The following ASCC3 variants were observed in gnomAD, a reference collection of about 807,000 sequenced individuals.
ASCC3 encodes the protein activating signal cointegrator 1 complex subunit 3, also known as ASC-1 complex subunit P200.
In ASCC3, 158 loss-of-function variants were observed where a neutral mutation model predicts 256.3. That is an observed-to-expected ratio of 0.62 (90% confidence interval 0.54 to 0.70). The LOEUF is 0.70. ASCC3 is among the 30% of genes least tolerant of loss of function. ASCC3 has a pLI of 0.00. For missense variants in ASCC3, 2,259 were observed against 2,626.0 expected, an observed-to-expected ratio of 0.86 and a Z score of 3.05; for synonymous variants, 948 against 883.4, an observed-to-expected ratio of 1.07 and a Z score of -1.30.
In ASCC3 at chr6:100,746,233, C is replaced by T. The variant is rs138188581; in HGVS notation, c.1737+20332G>A. On this transcript the variant is annotated intron_variant, in intron 10 of 41. Coordinates refer to ENST00000369162, the MANE Select transcript of ASCC3 (RefSeq NM_006828.4). Reference sequence around the variant, plus strand: ...AGTGGCTGAGGTAGGGTTTCAATCCCGGTGATCTACTCCATAGACTATTTT... The same window carrying T: ...AGTGGCTGAGGTAGGGTTTCAATCCTGGTGATCTACTCCATAGACTATTTT... 4.0e-3 allele frequency among the ~76,000 whole-genome samples: 601 copies of T among 150,278 alleles called. 6 individuals are homozygous for T. Among genetic ancestry groups the T allele is most frequent in the Middle Eastern group, 0.017 (5 of 292 alleles).
intron 13 of ASCC3, among the ~76,000 whole-genome samples, chr6:100,683,274 G>C (rs1777394814): frequency 6.6e-6 from 1 of 152,184 alleles, no homozygotes; most frequent in Middle Eastern, 3.4e-3. Context: ...TGTAAATCCT[G>C]TTGAATTAGC....
In ASCC3 at chr6:100,744,670, CTATT is replaced by C. The variant is rs149288321; in HGVS notation, c.1738-18971_1738-18968del. On this transcript the variant is annotated intron_variant, in intron 10 of 41. Transcript: ENST00000369162. ...CAGAGTTTTTACTAGCTATTATATA[CTATT>C]TATTTTGTGGTATGTACTTTTAGGT... Among the ~76,000 whole-genome samples the C allele has an allele frequency of 5.2e-4, 79 of 152,220 alleles. No individual in the cohort carries two copies. In the East Asian group the frequency reaches 0.014, roughly 27 times the overall value.
intron 34 of ASCC3, among the ~76,000 whole-genome samples, chr6:100,591,237 G>GA (rs1771984195): frequency 1.3e-5 from 2 of 151,932 alleles, no homozygotes; most frequent in Non-Finnish European, 2.9e-5. Context: ...TTAACCATTA[G>GA]AAAATATTTC....
At chr6:100,655,399 G>A (rs1320681949) in intron 17 of ASCC3, among the ~76,000 whole-genome samples, 2 of 151,652 alleles carry the variant, frequency 1.3e-5, no homozygotes, top group East Asian at 1.9e-4. Flanking sequence ...ATTCTAAAAC[G>A]AAATTTCTCA....
intron 37 of ASCC3, among the ~76,000 whole-genome samples, chr6:100,520,821 A>G (rs2114620341): frequency 6.6e-6 from 1 of 152,304 alleles, no homozygotes; most frequent in South Asian, 2.1e-4. Context: ...ATGTTCACAC[A>G]TGAAGAAATT....
chr6:100,585,409 G>C (rs1299983536), intron 36 of ASCC3, among the ~76,000 whole-genome samples: 1 of 151,978 alleles, frequency 6.6e-6, no homozygotes, highest in African/African-American at 2.4e-5. Context: ...CGTAGTTCTC[G>C]AGCCTTGGCT....
intron 33 of ASCC3, among the ~76,000 whole-genome samples, chr6:100,604,075 A>G (rs529841267): frequency 6.6e-6 from 1 of 152,238 alleles, no homozygotes; most frequent in East Asian, 1.9e-4. Flanking sequence ...TTTCATTCTA[A>G]AAGATTTTAA....
At chr6:100,567,221 T>A (rs1770309552) in intron 36 of ASCC3, among the ~76,000 whole-genome samples, 2 of 152,150 alleles carry the variant, frequency 1.3e-5, no homozygotes, top group African/African-American at 4.8e-5. Flanking sequence ...TGGTGTACAT[T>A]CATCTAAATC....
chr6:100,681,367 T>G (rs1456073164), intron 13 of ASCC3, among the ~76,000 whole-genome samples: 2 of 152,094 alleles, frequency 1.3e-5, no homozygotes, highest in African/African-American at 2.4e-5. Context: ...ATCTTGAGAT[T>G]TCATACTTTA....
chr6:100,629,955 T>G (rs147037889), intron 26 of ASCC3, among the ~76,000 whole-genome samples: 6 of 152,114 alleles, frequency 3.9e-5, no homozygotes, highest in Non-Finnish European at 5.9e-5. Context: ...TAGAGTGTAG[T>G]GGCTTGATCT....
intron 26 of ASCC3, among the ~76,000 whole-genome samples, chr6:100,630,242 T>G (rs1431634801): frequency 6.6e-6 from 1 of 152,112 alleles, no homozygotes; most frequent in East Asian, 1.9e-4. Flanking sequence ...AAGGGCAAAA[T>G]TTGTTCCTCT....
At chr6:100,696,848 T>C (rs866309477) in intron 13 of ASCC3, among the ~76,000 whole-genome samples, 3 of 152,050 alleles carry the variant, frequency 2.0e-5, no homozygotes, top group South Asian at 4.1e-4. Context: ...TTAAAATAGG[T>C]TCAAAGGTCC....
At chr6:100,661,442 T>G (rs1048043112) in intron 16 of ASCC3, among the ~76,000 whole-genome samples, 3 of 151,764 alleles carry the variant, frequency 2.0e-5, no homozygotes, top group Admixed American at 1.3e-4. Context: ...AAGAGTTTTA[T>G]AAATTTCATT....
chr6:100,573,855 T>C (rs1770722761), intron 36 of ASCC3, among the ~76,000 whole-genome samples: 1 of 152,138 alleles, frequency 6.6e-6, no homozygotes, highest in African/African-American at 2.4e-5. Flanking sequence ...CCAATAAAGA[T>C]TGCGTTTGCG....
intron 36 of ASCC3, among the ~76,000 whole-genome samples, chr6:100,571,135 G>C (rs1770572900): frequency 6.6e-6 from 1 of 152,010 alleles, no homozygotes; most frequent in Non-Finnish European, 1.5e-5. Context: ...CTGCCTCCTA[G>C]GCCCTCTCAG....
chr6:100,627,972 G>C lies in ASCC3; in HGVS notation c.4391C>G (p.Pro1464Arg). The C allele has an allele frequency of 1.2e-6, 2 of 1,613,426 alleles. No individual in the cohort carries two copies. The highest frequency in any genetic ancestry group is 1.7e-6 in the Non-Finnish European group (2 of 1,179,754). ...EIHLLGEERG[P>R]VLEVIVSRTN... ...TCGAGATACAATGACCTCTAGAACAGGGCCTCTTTCCTCCCCTAGAAAATA... is the reference window on the plus strand; with the variant it reads ...TCGAGATACAATGACCTCTAGAACACGGCCTCTTTCCTCCCCTAGAAAATA... Residue 1464 changes from proline (P) to arginine (R), a missense_variant, in exon 28 of 42, where the codon CCT (proline) becomes CGT (arginine). This residue lies in a region of ASCC3 where 1,839 missense variants were observed against 2,206.7 expected (regional missense o/e 0.83). Transcript: ENST00000369162.
chr6:100,565,306 C>T (rs1048574452), intron 36 of ASCC3, among the ~76,000 whole-genome samples: 3 of 152,144 alleles, frequency 2.0e-5, no homozygotes, highest in Admixed American at 2.0e-4. Context: ...CTTACGAACA[C>T]AGCTTCCTCA....
intron 34 of ASCC3, 25 bp from the exon 35 acceptor site, chr6:100,590,084 T>C: frequency 6.6e-7 from 1 of 1,525,914 alleles, no homozygotes; most frequent in Non-Finnish European, 9.1e-7. Flanking sequence ...AGGTTATTAT[T>C]ATTTGTTTCA....
chr6:100,595,624 G>A (rs751068155), intron 34 of ASCC3, among the ~76,000 whole-genome samples: 1 of 152,174 alleles, frequency 6.6e-6, no homozygotes, highest in African/African-American at 2.4e-5. Context: ...ACTGAAAAGA[G>A]AAGTGGACAG....
Sources: gnomAD v4.1 joint callset for allele counts (sites outside exome capture counted in the v4.1 genomes callset) on GRCh38, gnomAD v4.1.1 for gene constraint, gnomAD v4.1.1 regional missense constraint, MANE v1.5 for transcripts, NCBI Gene and HGNC (gene_info 2026-07-23, HGNC 2026-07-21) for gene names.